The following PTDSS1 variants were observed in gnomAD, a reference collection of about 807,000 sequenced individuals.
PTDSS1 encodes phosphatidylserine synthase 1.
PTDSS1 carries 45 observed loss-of-function variants against 70.5 expected under a neutral mutation model. The observed-to-expected ratio is 0.64, with a 90% confidence interval of 0.50 to 0.82. The LOEUF (loss-of-function observed/expected upper bound fraction) is 0.82, where lower values mean the gene tolerates loss of function less well. Among genes scored for constraint, PTDSS1 ranks in the 40% least tolerant of loss-of-function variants. PTDSS1 has a pLI of 0.00. For missense variants in PTDSS1, 417 were observed against 586.1 expected, an observed-to-expected ratio of 0.71 and a Z score of 2.98; for synonymous variants, 188 against 203.8, an observed-to-expected ratio of 0.92 and a Z score of 0.66.
At chr8:96,303,979 G>A (rs889343238) in intron 6 of PTDSS1, 61 bp from the exon 7 acceptor site, 2 of 1,500,756 alleles carry the variant, frequency 1.3e-6, no homozygotes, top group South Asian at 2.5e-5. Context: ...TTTTTTTCTT[G>A]TGCTTTGTTT....
At chr8:96,333,405 T>A in intron 12 of PTDSS1, 52 bp from the exon 13 acceptor site, 4 of 1,529,292 alleles carry the variant, frequency 2.6e-6, no homozygotes, top group Non-Finnish European at 3.6e-6. Context: ...AAAGGGACAG[T>A]CACCAATCTC....
intron 2 of PTDSS1, among the ~76,000 whole-genome samples, chr8:96,273,839 TC>T (rs1390384899): frequency 6.6e-6 from 1 of 152,228 alleles, no homozygotes. Flanking sequence ...TCCCAAGTGA[TC>T]TTTTATCACC....
chr8:96,324,608 A>T (rs1811413985), intron 10 of PTDSS1, among the ~76,000 whole-genome samples: 1 of 152,230 alleles, frequency 6.6e-6, no homozygotes, highest in African/African-American at 2.4e-5. Flanking sequence ...GGGAAGTGCC[A>T]AACTCATCCT....
At chr8:96,265,106 TC>T (rs1251060492) in intron 1 of PTDSS1, among the ~76,000 whole-genome samples, 1 of 152,254 alleles carries the variant, frequency 6.6e-6, no homozygotes, top group Non-Finnish European at 1.5e-5. Flanking sequence ...TGAAAATGTA[TC>T]CTATGTTCTT....
At chr8:96,269,839 C>A (rs973451000) in intron 1 of PTDSS1, among the ~76,000 whole-genome samples, 10 of 152,158 alleles carry the variant, frequency 6.6e-5, no homozygotes, top group African/African-American at 1.9e-4. Context: ...CTCAAAGAGT[C>A]CCTACCCAAT....
intron 1 of PTDSS1, among the ~76,000 whole-genome samples, chr8:96,267,288 T>C (rs1810501026): frequency 6.6e-6 from 1 of 152,202 alleles, no homozygotes; most frequent in Non-Finnish European, 1.5e-5. Context: ...CAGTTCATAG[T>C]CCTCATTGCC....
At chr8:96,312,477 TAA>T (rs1234075860) in intron 9 of PTDSS1, among the ~76,000 whole-genome samples, 12 of 137,870 alleles carry the variant, frequency 8.7e-5, no homozygotes, top group African/African-American at 2.7e-4. Flanking sequence ...TTTTTTTTTT[TAA>T]AAAAAAAAGG....
intron 1 of PTDSS1, among the ~76,000 whole-genome samples, chr8:96,268,886 G>A (rs1810523453): frequency 6.6e-6 from 1 of 152,120 alleles, no homozygotes; most frequent in Non-Finnish European, 1.5e-5. Context: ...CCCCCCTCAC[G>A]TTACCTGAGT....
chr8:96,299,026 C>G (rs1193453077), intron 5 of PTDSS1, among the ~76,000 whole-genome samples: 1 of 147,622 alleles, frequency 6.8e-6, no homozygotes, highest in Non-Finnish European at 1.5e-5. Flanking sequence ...GGCAACAGAG[C>G]AAGACTCTGT....
At chr8:96,315,372 G>C (rs1811273214) in intron 9 of PTDSS1, among the ~76,000 whole-genome samples, 1 of 151,714 alleles carries the variant, frequency 6.6e-6, no homozygotes, top group Non-Finnish European at 1.5e-5. Flanking sequence ...CGGCCTCCAT[G>C]TCCATGGCAT....
chr8:96,267,704 A>G (rs943359079), intron 1 of PTDSS1, among the ~76,000 whole-genome samples: 2 of 152,320 alleles, frequency 1.3e-5, no homozygotes, highest in South Asian at 4.1e-4. Flanking sequence ...CCTGTCACCT[A>G]TAGGAAAGTA....
intron 10 of PTDSS1, among the ~76,000 whole-genome samples, chr8:96,321,131 C>G: frequency 6.6e-6 from 1 of 152,044 alleles, no homozygotes; most frequent in Non-Finnish European, 1.5e-5. Context: ...ATAGATGGCC[C>G]CTCATGAACC....
Position 96,304,666 on chromosome 8 carries a change from G to A in PTDSS1, c.894+485G>A, listed in dbSNP as rs576351598. On this transcript the variant is annotated intron_variant, in intron 7 of 12. Coordinates refer to ENST00000517309, the MANE Select transcript of PTDSS1 (RefSeq NM_014754.3). ...TGAGTCCTCCAGAGTGTTGTCCTCCGTGGAGAGAAGCTGTATTTCCAAGTG... is the reference window on the plus strand; with the variant it reads ...TGAGTCCTCCAGAGTGTTGTCCTCCATGGAGAGAAGCTGTATTTCCAAGTG... 1.7e-3 allele frequency among the ~76,000 whole-genome samples: 260 copies of A among 152,316 alleles called. 1 individual carries two copies. Among genetic ancestry groups the A allele is most frequent in the African/African-American group, 6.0e-3 (251 of 41,570 alleles).
chr8:96,307,443 T>C (rs1359366791), intron 8 of PTDSS1, among the ~76,000 whole-genome samples: 1 of 100,422 alleles, frequency 1.0e-5, no homozygotes, highest in Non-Finnish European at 1.8e-5. Context: ...CATCATTCAA[T>C]ATTACCAAAA....
intron 1 of PTDSS1, among the ~76,000 whole-genome samples, chr8:96,268,925 C>T (rs551499975): frequency 6.6e-6 from 1 of 152,320 alleles, no homozygotes; most frequent in Non-Finnish European, 1.5e-5. Context: ...TATCATCTTG[C>T]TCATTCTTGC....
intron 11 of PTDSS1, 158 bp downstream of exon 11, chr8:96,330,439 C>G: frequency 3.0e-6 from 2 of 674,024 alleles, no homozygotes; most frequent in Non-Finnish European, 5.1e-6. Context: ...ACAACTCATT[C>G]CCTAGCCATT....
chr8:96,262,340 C>A lies in PTDSS1; in HGVS notation c.179+121C>A. ...GAGGAAGTGGGCTGGCTGCTCCACG[C>A]ACACGCACTGGCAGCCCGCCGCCCA... On this transcript the variant is annotated intron_variant, in intron 1 of 12. Coordinates refer to ENST00000517309, the MANE Select transcript of PTDSS1 (RefSeq NM_014754.3). The surrounding 1 kb of genome is among the most constrained non-coding windows in gnomAD (Gnocchi z 4.4). 1 of 1,277,982 alleles carries A rather than the reference C, an allele frequency of 7.8e-7. No homozygotes were observed. The highest frequency in any genetic ancestry group is 1.1e-6 in the Non-Finnish European group (1 of 947,620). The allele number at this position is 1,277,982 out of a possible 1,614,324, so 79.2% of individuals were successfully genotyped here.
chr8:96,263,009 A>C (rs1009498285), intron 1 of PTDSS1, among the ~76,000 whole-genome samples: 2 of 152,174 alleles, frequency 1.3e-5, no homozygotes, highest in South Asian at 4.1e-4. Context: ...ATTACCTAAC[A>C]TACGTGCTGA....
At chr8:96,328,996 A>G (rs1228434813) in intron 10 of PTDSS1, among the ~76,000 whole-genome samples, 1 of 152,238 alleles carries the variant, frequency 6.6e-6, no homozygotes, top group African/African-American at 2.4e-5. Flanking sequence ...TCCGGCTCCA[A>G]TGTTCACCTC....
Sources: allele counts gnomAD v4.1 joint callset (sites outside exome capture counted in the v4.1 genomes callset), GRCh38; gene constraint gnomAD v4.1.1; non-coding constraint Gnocchi (gnomAD v3.1); transcripts MANE v1.5; gene names NCBI Gene and HGNC (gene_info 2026-07-23, HGNC 2026-07-21).